TMC5: variants seen among roughly 807,000 people sequenced by gnomAD.
TMC5 encodes the protein transmembrane channel-like protein 5.
Under a neutral mutation model 110.5 loss-of-function variants are expected in TMC5, and 86 were observed. The observed-to-expected ratio is 0.78, with a 90% confidence interval of 0.65 to 0.93. The LOEUF is 0.93. TMC5 is among the 40% of genes least tolerant of loss of function. TMC5 has a pLI of 0.00. For missense variants in TMC5, 1,144 were observed against 1,222.8 expected (o/e 0.94, Z 0.96); for synonymous variants, 455 against 439.5 (o/e 1.04, Z -0.44).
chr16:19,490,139 C>G (rs766718793), intron 17 of TMC5, among the ~76,000 whole-genome samples: 2 of 152,126 alleles, frequency 1.3e-5, no homozygotes, highest in African/African-American at 2.4e-5. Flanking sequence ...TATCATTGAG[C>G]CAAGTTACTG....
intron 1 of TMC5, among the ~76,000 whole-genome samples, chr16:19,411,955 A>G (rs1966856801): frequency 6.6e-6 from 1 of 152,184 alleles, no homozygotes; most frequent in Admixed American, 6.5e-5. Flanking sequence ...TTGACATGCA[A>G]TCCAGGTTCC....
intron 18 of TMC5, 152 bp downstream of exon 18, chr16:19,490,720 TTCCTTCCTTCCTTC>T: frequency 7.4e-6 from 1 of 134,912 alleles, no homozygotes; most frequent in Non-Finnish European, 2.1e-5. Context: ...CTTTCCTTCC[TTCCTTCCTTCCTTC>T]CTTCCTTCCT....
intron 5 of TMC5, among the ~76,000 whole-genome samples, chr16:19,457,706 A>ATTTTTTT (rs1555483103): frequency 3.9e-4 from 16 of 41,044 alleles, no homozygotes; most frequent in Non-Finnish European, 1.1e-3. Context: ...CCAAGACTAC[A>ATTTTTTT]TTCTTTTTTT....
intron 5 of TMC5, among the ~76,000 whole-genome samples, chr16:19,456,191 A>T (rs1967865202): frequency 6.6e-6 from 1 of 151,086 alleles, no homozygotes; most frequent in South Asian, 2.1e-4. Flanking sequence ...TGGGTGACAT[A>T]GCGAGACTCC....
At chr16:19,447,246 G>A (rs1483841184) in intron 4 of TMC5, among the ~76,000 whole-genome samples, 1 of 152,098 alleles carries the variant, frequency 6.6e-6, no homozygotes, top group African/African-American at 2.4e-5. Context: ...TCTTGGACCA[G>A]TGAGTGACCT....
At chr16:19,434,384 AATATAG>A (rs1214667290) in intron 2 of TMC5, among the ~76,000 whole-genome samples, 3 of 41,568 alleles carry the variant, frequency 7.2e-5, no homozygotes, top group African/African-American at 1.9e-4. Flanking sequence ...ATCTATATAT[AATATAG>A]ATATAATATA....
chr16:19,417,811 G>C (rs1966892650), upstream of TMC5: 1 of 152,160 alleles, frequency 6.6e-6, no homozygotes, highest in African/African-American at 2.4e-5. Flanking sequence ...GTGAGACCTG[G>C]TTACTCATTG....
At chr16:19,464,410 C>T (rs1013549923) in intron 8 of TMC5, among the ~76,000 whole-genome samples, 2 of 152,136 alleles carry the variant, frequency 1.3e-5, no homozygotes, top group Non-Finnish European at 1.5e-5. Context: ...GGCAACAGAG[C>T]GAGGCCTTGT....
At chr16:19,434,460 ATC>A (rs1967294168) in intron 2 of TMC5, among the ~76,000 whole-genome samples, 2 of 70,948 alleles carry the variant, frequency 2.8e-5, no homozygotes, top group East Asian at 4.2e-4. Flanking sequence ...ATATATCTAT[ATC>A]TATAGATAGA....
At chr16:19,467,207 G>A (rs1338983161) in intron 9 of TMC5, among the ~76,000 whole-genome samples, 1 of 152,104 alleles carries the variant, frequency 6.6e-6, no homozygotes, top group African/African-American at 2.4e-5. Flanking sequence ...TGCTAGGGCT[G>A]CCTAGCAAAG....
intron 1 of TMC5, among the ~76,000 whole-genome samples, chr16:19,418,649 ACTTCTCATTTTTCTCATTCTTCTCATC>A (rs1436361353): frequency 6.6e-6 from 1 of 151,668 alleles, no homozygotes; most frequent in Non-Finnish European, 1.5e-5. Context: ...AGAAACAATA[ACTTCTCATTTTTCTCATTCTTCTCATC>A]CTTCTCATTT....
intron 2 of TMC5, among the ~76,000 whole-genome samples, chr16:19,434,741 C>T (rs904564344): frequency 5.3e-5 from 8 of 152,076 alleles, no homozygotes; most frequent in Non-Finnish European, 1.0e-4. Context: ...TATAATATCA[C>T]ATAATAGCTT....
At chr16:19,495,877 G>A (rs2856611) in intron 20 of TMC5, among the ~76,000 whole-genome samples, 96,517 of 151,778 alleles carry the variant, frequency 0.64, 32,247 homozygotes, top group South Asian at 0.77. Context: ...TCCCTCCTGT[G>A]ATCCCCAGCA....
At chr16:19,481,872 A>G (rs1968626992) in intron 15 of TMC5, among the ~76,000 whole-genome samples, 1 of 152,010 alleles carries the variant, frequency 6.6e-6, no homozygotes, top group African/African-American at 2.4e-5. Context: ...GCCCTTAGGA[A>G]TAGGATTAGT....
chr16:19,490,930 TTCCCC>T, intron 18 of TMC5, among the ~76,000 whole-genome samples: 1 of 119,540 alleles, frequency 8.4e-6, no homozygotes, highest in African/African-American at 3.3e-5. Flanking sequence ...TCTTTCTCCC[TTCCCC>T]TCCCTTCCCT....
intron 11 of TMC5, among the ~76,000 whole-genome samples, chr16:19,473,852 T>C (rs577320978): frequency 6.6e-6 from 1 of 152,004 alleles, no homozygotes; most frequent in East Asian, 1.9e-4. Flanking sequence ...TGTTGGTGCG[T>C]GCCTGTAATC....
intron 1 of TMC5, among the ~76,000 whole-genome samples, chr16:19,428,412 G>A (rs180882081): frequency 2.7e-5 from 4 of 150,268 alleles, no homozygotes; most frequent in African/African-American, 9.8e-5. Context: ...AGCCTCAAAC[G>A]ATTGCGCTGG....
chr16:19,431,425 C>A (rs1482267139), intron 2 of TMC5, among the ~76,000 whole-genome samples: 1 of 151,790 alleles, frequency 6.6e-6, no homozygotes, highest in East Asian at 1.9e-4. Context: ...GCCTGTAATC[C>A]CAGCTACTTG....
In TMC5 at chr16:19,463,298, A is replaced by C. The variant is rs1163084419; in HGVS notation, c.1167A>C (p.Glu389Asp). Residue 389 changes from glutamate (E) to aspartate (D), a missense_variant, in exon 7 of 22, where the codon GAA becomes GAC. Physicochemically the swap from Glu to Asp is conservative, Grantham distance 45. Transcript: ENST00000542583. ...KRNLRKIVDK[E>D]KSKQTHRILQ... ...CCTACAGGAAAATAGTTGACAAAGAAAAAAGCAAACAGACCCATCGTATCC... is the reference window on the plus strand; with the variant it reads ...CCTACAGGAAAATAGTTGACAAAGACAAAAGCAAACAGACCCATCGTATCC... 6.2e-7 allele frequency: 1 copy of C among 1,613,882 alleles called. No individual in the cohort carries two copies. Among genetic ancestry groups the C allele is most frequent in the African/African-American group, 1.3e-5 (1 of 74,918 alleles).
Sources: allele counts gnomAD v4.1 joint callset (sites outside exome capture counted in the v4.1 genomes callset), GRCh38; gene constraint gnomAD v4.1.1; transcripts MANE v1.5; gene names NCBI Gene and HGNC (gene_info 2026-07-23, HGNC 2026-07-21).